STAB2: variants seen among roughly 807,000 people sequenced by gnomAD.
STAB2 encodes stabilin-2.
A neutral mutation model predicts 338.1 loss-of-function variants in STAB2; 288 were observed. The observed-to-expected ratio is 0.85, with a 90% CI of 0.77 to 0.94. The LOEUF is 0.94. Among genes scored for constraint, STAB2 ranks in the 40% least tolerant of loss-of-function variants. The probability of loss-of-function intolerance (pLI) is 0.00; values close to 1 mark genes in which losing one functional copy is unlikely to be tolerated. For synonymous variants in STAB2, 1,202 were observed against 1,193.3 expected, an observed-to-expected ratio of 1.01 and a Z score of -0.15; for missense variants, 3,141 against 3,210.1, an observed-to-expected ratio of 0.98 and a Z score of 0.52.
rs531641821 is a variant in STAB2 at position 103,724,958 on chromosome 12, C to T, written c.4684-17C>T. 8 of 1,612,716 alleles carry T rather than the reference C, an allele frequency of 5.0e-6. No individual in the cohort carries two copies. The highest frequency in any genetic ancestry group is 5.9e-6 in the Non-Finnish European group (7 of 1,178,766). ...CTGGTCTAATCCCCATCCCTTGCCC[C>T]TTGGCAATTTTACCAGAAAAATGGC... On this transcript the variant is annotated splice_polypyrimidine_tract_variant and intron_variant, in intron 44 of 68. Transcript: ENST00000388887.
At chr12:103,682,662 G>A (rs1877025495) in intron 25 of STAB2, among the ~76,000 whole-genome samples, 1 of 152,152 alleles carries the variant, frequency 6.6e-6, no homozygotes, top group Non-Finnish European at 1.5e-5. Flanking sequence ...AAAGAATTCA[G>A]GAAGAGGCTG....
chr12:103,636,263 G>A (rs11111690), intron 6 of STAB2, among the ~76,000 whole-genome samples: 36,256 of 144,638 alleles, frequency 0.25, 4,755 homozygotes, highest in South Asian at 0.4. Flanking sequence ...CGTTCTCATT[G>A]TTCAATTCCC....
chr12:103,747,995 C>CA (rs57369480), intron 58 of STAB2, among the ~76,000 whole-genome samples: 7,840 of 95,946 alleles, frequency 0.082, 745 homozygotes, highest in African/African-American at 0.24. Flanking sequence ...ACTCTGTCTC[C>CA]AAAAAAAAAA....
Position 103,766,495 on chromosome 12 carries a change from G to A in STAB2, c.*159G>A, listed in dbSNP as rs1010675685. The A allele has an allele frequency of 4.9e-6, 4 of 813,846 alleles. No individual in the cohort carries two copies. The highest frequency in any genetic ancestry group is 1.8e-5 in the South Asian group (1 of 55,208). 50.4% of individuals were successfully genotyped at this position (813,846 alleles called of 1,614,324 possible). On this transcript the variant is annotated 3_prime_UTR_variant, in exon 69 of 69. Coordinates refer to ENST00000388887, the MANE Select transcript of STAB2 (RefSeq NM_017564.10). ...ATCTGGGGGTTGTTTCTGTGGGTGA[G>A]AGATGTGTTGCTGTGCCCACCCAGT...
intron 33 of STAB2, among the ~76,000 whole-genome samples, chr12:103,697,450 A>T (rs1053801160): frequency 2.0e-5 from 3 of 152,226 alleles, no homozygotes; most frequent in African/African-American, 7.2e-5. Context: ...AGACAGTCCC[A>T]TAGCCTCTCT....
chr12:103,675,274 C>A (rs1473002560), intron 23 of STAB2, among the ~76,000 whole-genome samples: 1 of 152,112 alleles, frequency 6.6e-6, no homozygotes. Flanking sequence ...GTAAAAGTGT[C>A]ATCACGGAAC....
chr12:103,745,670 GCT>G (rs1882970301), intron 57 of STAB2, among the ~76,000 whole-genome samples: 1 of 152,098 alleles, frequency 6.6e-6, no homozygotes. Flanking sequence ...CCCTGGTTCT[GCT>G]ACTTACTAGA....
rs11111730 is a variant in STAB2 at position 103,719,207 on chromosome 12, G to A, written c.4683+1366G>A. ...CGGAGCAGTTTGTGTGGTCAGCTAG[G>A]CCTCTGAAGTCCTGCATCAATGTCA... On this transcript the variant is annotated intron_variant, in intron 44 of 68. Transcript: ENST00000388887. Among the ~76,000 whole-genome samples, 1,031 of 152,272 alleles carry A rather than the reference G, an allele frequency of 6.8e-3. 11 individuals carry two copies. The highest frequency in any genetic ancestry group is 0.024 in the African/African-American group (978 of 41,536).
Position 103,726,696 on chromosome 12 carries a change from T to C in STAB2, c.4851+533T>C, listed in dbSNP as rs144964464. On this transcript the variant is annotated intron_variant, in intron 46 of 68. Transcript: ENST00000388887. ...TTAACACTTGGGGTAAAAATTAAGTTTGATCTTTCTGCACATCATACATCT... is the reference window on the plus strand; with the variant it reads ...TTAACACTTGGGGTAAAAATTAAGTCTGATCTTTCTGCACATCATACATCT... Among the ~76,000 whole-genome samples, 486 of 152,222 alleles carry C rather than the reference T, an allele frequency of 3.2e-3. 2 individuals carry two copies. The highest frequency in any genetic ancestry group is 0.011 in the African/African-American group (460 of 41,530).
chr12:103,672,692 T>C (rs1445534001), intron 22 of STAB2, among the ~76,000 whole-genome samples: 2 of 152,164 alleles, frequency 1.3e-5, no homozygotes, highest in Non-Finnish European at 2.9e-5. Flanking sequence ...CAGGTGCCTT[T>C]GAAAATCTCC....
At position 103,766,272 on chromosome 12, in the gene STAB2, C is replaced by A; in HGVS notation, c.7606-14C>A. On this transcript the variant is annotated splice_polypyrimidine_tract_variant and intron_variant, in intron 68 of 68. Transcript: ENST00000388887. Reference sequence around the variant, plus strand: ...ACAGAATGCCCTGCCCCCTTACAACCCTCTCTTTTCCAGGACTCTGAAGAA... The same window carrying A: ...ACAGAATGCCCTGCCCCCTTACAACACTCTCTTTTCCAGGACTCTGAAGAA... 1 of 1,613,974 alleles carries A rather than the reference C, an allele frequency of 6.2e-7. No individual in the cohort carries two copies. The highest frequency in any genetic ancestry group is 1.1e-5 in the South Asian group (1 of 91,072).
chr12:103,666,471 A>G, intron 19 of STAB2, 118 bp downstream of exon 19: 1 of 1,026,144 alleles, frequency 9.7e-7, no homozygotes, highest in South Asian at 1.4e-5. Flanking sequence ...GTAATATAAG[A>G]TGGGCTCGTA....
At chr12:103,764,565 A>G (rs1331395594) in intron 68 of STAB2, among the ~76,000 whole-genome samples, 1 of 152,240 alleles carries the variant, frequency 6.6e-6, no homozygotes, top group South Asian at 2.1e-4. Context: ...AAAAAAATAC[A>G]TAGGAATAGA....
intron 9 of STAB2, among the ~76,000 whole-genome samples, chr12:103,643,347 G>T (rs1366294754): frequency 1.3e-5 from 2 of 152,122 alleles, no homozygotes; most frequent in Non-Finnish European, 1.5e-5. Context: ...CTTCAAACAT[G>T]CCATGGTGCT....
rs1884592188 is a variant in STAB2 at position 103,762,263 on chromosome 12, T to C, written c.7360-11T>C. ...TTTAAGAATGGGCCCCTTTCCTTTC[T>C]TTGTGTTCAGACCTTGACCCACACT... On this transcript the variant is annotated splice_polypyrimidine_tract_variant and intron_variant, in intron 66 of 68. Transcript: ENST00000388887. The C allele has an allele frequency of 3.7e-6, 6 of 1,613,448 alleles. No individual in the cohort carries two copies. The highest frequency in any genetic ancestry group is 5.1e-6 in the Non-Finnish European group (6 of 1,179,866).
intron 47 of STAB2, 138 bp downstream of exon 47, chr12:103,727,488 G>A (rs1881304483): frequency 1.4e-5 from 14 of 972,678 alleles, no homozygotes; most frequent in Admixed American, 2.0e-5. Context: ...AATAGAAGGG[G>A]CTGCCTCTTG....
At chr12:103,597,893 CTGAT>C (rs1413496554) in intron 3 of STAB2, among the ~76,000 whole-genome samples, 2 of 152,090 alleles carry the variant, frequency 1.3e-5, no homozygotes, top group African/African-American at 4.8e-5. Context: ...ACAAAACAAT[CTGAT>C]TATTTCAAAA....
At chr12:103,745,416 A>T in intron 57 of STAB2, 139 bp downstream of exon 57, 1 of 722,410 alleles carries the variant, frequency 1.4e-6, no homozygotes, top group Non-Finnish European at 2.2e-6. Flanking sequence ...GATAATTCAG[A>T]TCTGTAGCCC....
At chr12:103,723,805 A>G (rs565748066) in intron 44 of STAB2, among the ~76,000 whole-genome samples, 2 of 152,250 alleles carry the variant, frequency 1.3e-5, no homozygotes, top group Admixed American at 1.3e-4. Context: ...GTGGGTGGGC[A>G]GGAATGCTGG....
Sources: gnomAD v4.1 joint callset for allele counts (sites outside exome capture counted in the v4.1 genomes callset) on GRCh38, gnomAD v4.1.1 for gene constraint, MANE v1.5 for transcripts, NCBI Gene and HGNC (gene_info 2026-07-23, HGNC 2026-07-21) for gene names.